The following PPARGC1A variants were observed in gnomAD, a reference collection of about 807,000 sequenced individuals.
The protein encoded by PPARGC1A is PPARG coactivator 1 alpha.
PPARGC1A carries 25 observed loss-of-function variants against 88.7 expected under a neutral mutation model. The ratio of observed to expected loss-of-function variants is 0.28; its 90% CI spans 0.21 to 0.39. The LOEUF (loss-of-function observed/expected upper bound fraction) is 0.39. PPARGC1A is among the 10% of genes least tolerant of loss of function. The pLI is 1.00. For missense variants in PPARGC1A, 880 were observed against 968.7 expected (o/e 0.91, Z 1.22); for synonymous variants, 363 against 355.6 (o/e 1.02, Z -0.24).
the PPARGC1A span, among the ~76,000 whole-genome samples, chr4:24,294,837 C>T: frequency 2.0e-5 from 3 of 152,190 alleles, no homozygotes; most frequent in Non-Finnish European, 4.4e-5. Flanking sequence ...AAATCGTATC[C>T]ATAACTCTGG....
chr4:23,818,528 C>G (rs1722385237), intron 7 of PPARGC1A, among the ~76,000 whole-genome samples: 1 of 152,062 alleles, frequency 6.6e-6, no homozygotes, highest in Admixed American at 6.6e-5. Flanking sequence ...AGAGCACAAC[C>G]TTAGCAATAT....
chr4:24,359,422 C>T, the PPARGC1A span, among the ~76,000 whole-genome samples: 767 of 152,284 alleles, frequency 5.0e-3, 1 homozygote, highest in Middle Eastern at 0.01. Context: ...ACTCCATACC[C>T]CATGTCCAAT....
upstream of PPARGC1A, among the ~76,000 whole-genome samples, chr4:23,906,323 T>A (rs1057455081): frequency 6.6e-5 from 10 of 151,866 alleles, no homozygotes; most frequent in African/African-American, 2.4e-4. Flanking sequence ...ATTATAAAGA[T>A]GTTTTCCAGC....
the PPARGC1A span, among the ~76,000 whole-genome samples, chr4:24,324,231 C>T: frequency 1.3e-5 from 2 of 150,762 alleles, no homozygotes; most frequent in Non-Finnish European, 2.9e-5. Flanking sequence ...TTGTCTCTAC[C>T]CCTTCTCTGC....
chr4:23,984,460 A>G, the PPARGC1A span, among the ~76,000 whole-genome samples: 1 of 152,134 alleles, frequency 6.6e-6, no homozygotes, highest in East Asian at 1.9e-4. Flanking sequence ...TTTACCTACC[A>G]AGGTTTCCGT....
chr4:24,406,013 T>C, the PPARGC1A span, among the ~76,000 whole-genome samples: 3 of 152,222 alleles, frequency 2.0e-5, no homozygotes, highest in South Asian at 2.1e-4. Flanking sequence ...TGATACAGAA[T>C]CTAAGGTTCG....
At chr4:24,410,727 T>G in the PPARGC1A span, among the ~76,000 whole-genome samples, 1 of 152,286 alleles carries the variant, frequency 6.6e-6, no homozygotes, top group Middle Eastern at 3.4e-3. Context: ...TGCTGAGTCT[T>G]CCAGCCTCCA....
the PPARGC1A span, among the ~76,000 whole-genome samples, chr4:24,016,659 G>A: frequency 6.6e-6 from 1 of 152,152 alleles, no homozygotes; most frequent in Admixed American, 6.5e-5. Context: ...TGTATCATTG[G>A]AAACTAGACA....
the PPARGC1A span, among the ~76,000 whole-genome samples, chr4:24,070,889 G>A: frequency 3.3e-5 from 5 of 152,150 alleles, no homozygotes; most frequent in Admixed American, 3.3e-4. Flanking sequence ...GTTATCAGTA[G>A]CTGCTTTTGT....
intron 2 of PPARGC1A, among the ~76,000 whole-genome samples, chr4:23,844,807 TTATAA>T (rs1255991843): frequency 1.6e-5 from 2 of 127,258 alleles, no homozygotes; most frequent in Non-Finnish European, 3.2e-5. Flanking sequence ...ATATATATTA[TTATAA>T]TATATGATAT....
intron 2 of PPARGC1A, among the ~76,000 whole-genome samples, chr4:23,873,511 T>A (rs112886808): frequency 4.6e-5 from 7 of 152,322 alleles, no homozygotes; most frequent in Non-Finnish European, 8.8e-5. Flanking sequence ...TCAGCCACTG[T>A]GGAAACTGGT....
At chr4:24,364,676 T>C in the PPARGC1A span, among the ~76,000 whole-genome samples, 1 of 152,214 alleles carries the variant, frequency 6.6e-6, no homozygotes, top group African/African-American at 2.4e-5. Flanking sequence ...CCACTTCTAT[T>C]ATGTGATTAT....
At chr4:23,991,701 A>G in the PPARGC1A span, among the ~76,000 whole-genome samples, 2 of 152,014 alleles carry the variant, frequency 1.3e-5, no homozygotes, top group African/African-American at 2.4e-5. Flanking sequence ...GACAGCTTAA[A>G]TAAGTTGCTC....
chr4:24,173,338 C>CA, the PPARGC1A span, among the ~76,000 whole-genome samples: 28 of 117,572 alleles, frequency 2.4e-4, no homozygotes, highest in African/African-American at 7.5e-4. Context: ...CTTTCCCCAC[C>CA]AAAAAAAAAA....
the PPARGC1A span, among the ~76,000 whole-genome samples, chr4:24,210,010 A>G: frequency 6.6e-6 from 1 of 152,208 alleles, no homozygotes; most frequent in Non-Finnish European, 1.5e-5. Context: ...AAGAACAGTC[A>G]TCTCTCAAGA....
chr4:24,423,859 G>A, the PPARGC1A span, among the ~76,000 whole-genome samples: 1 of 152,194 alleles, frequency 6.6e-6, no homozygotes, highest in Non-Finnish European at 1.5e-5. Flanking sequence ...AGGCCCATCT[G>A]GATGGACTGT....
the PPARGC1A span, among the ~76,000 whole-genome samples, chr4:24,403,854 G>A: frequency 3.9e-5 from 6 of 151,986 alleles, no homozygotes; most frequent in South Asian, 2.1e-4. Flanking sequence ...CTCATTTTCC[G>A]AATAAGAAGA....
intron 2 of PPARGC1A, among the ~76,000 whole-genome samples, chr4:23,864,275 A>G (rs1475444149): frequency 1.3e-5 from 2 of 152,112 alleles, no homozygotes; most frequent in African/African-American, 4.8e-5. Context: ...TACTATCTAC[A>G]TTTTACCCAT....
chr4:23,990,011 C>T, the PPARGC1A span, among the ~76,000 whole-genome samples: 1 of 144,268 alleles, frequency 6.9e-6, no homozygotes, highest in Middle Eastern at 3.8e-3. Flanking sequence ...AGATATGTAT[C>T]TTATATATAG....
Sources: gnomAD v4.1 joint callset for allele counts (sites outside exome capture counted in the v4.1 genomes callset) on GRCh38, gnomAD v4.1.1 for gene constraint, MANE v1.5 for transcripts, NCBI Gene and HGNC (gene_info 2026-07-23, HGNC 2026-07-21) for gene names.